The following TPGS2 variants were observed in gnomAD, a reference collection of about 807,000 sequenced individuals.
TPGS2 encodes the protein tubulin polyglutamylase complex subunit 2.
TPGS2 carries 26 observed loss-of-function variants against 31.1 expected under a neutral mutation model. The ratio of observed to expected loss-of-function variants is 0.84; its 90% CI spans 0.61 to 1.16. The LOEUF (loss-of-function observed/expected upper bound fraction) is 1.16, where lower values mean the gene tolerates loss of function less well. Ranked by LOEUF, TPGS2 falls within the 50% of genes most tolerant of loss-of-function variation. The pLI is 0.00. For missense variants in TPGS2, 351 were observed against 363.8 expected (o/e 0.96, Z 0.29); for synonymous variants, 130 against 136.6 (o/e 0.95, Z 0.34).
At position 36,805,467 on chromosome 18, in the gene TPGS2, T is replaced by A. The variant is rs1029302516; in HGVS notation, c.289A>T (p.Ser97Cys). 3.1e-6 allele frequency: 5 copies of A among 1,614,080 alleles called. No homozygotes were observed. The highest frequency in any genetic ancestry group is 4.2e-6 in the Non-Finnish European group (5 of 1,179,960). ...GTGAGCTGAGTCAGTTTTGAGATGC[T>A]GTTAATTGCCATGCTTCCCAGTGGA... ...IIPLGSMAINSISKLTQLTQS... is the reference protein window; with the variant it reads ...IIPLGSMAINCISKLTQLTQS... The change falls in exon 4 of 7, where the codon AGC (serine) becomes TGC (cysteine). Residue 97 changes from serine to cysteine, a missense_variant. Physicochemically the swap from Ser to Cys is moderately radical, Grantham distance 112. Transcript: ENST00000334295.
chr18:36,813,569 C>A (rs1434998084), intron 2 of TPGS2, among the ~76,000 whole-genome samples: 1 of 152,214 alleles, frequency 6.6e-6, no homozygotes, highest in Non-Finnish European at 1.5e-5. Context: ...CTTTTGATGG[C>A]TGCTTTCACA....
At chr18:36,818,359 A>T (rs2150672297) in intron 2 of TPGS2, among the ~76,000 whole-genome samples, 1 of 152,058 alleles carries the variant, frequency 6.6e-6, no homozygotes, top group African/African-American at 2.4e-5. Flanking sequence ...AGTGCCTTTT[A>T]AAAAATTACC....
Position 36,805,494 on chromosome 18 carries a change from T to C in TPGS2, c.262A>G (p.Ile88Val), listed in dbSNP as rs1268695367. 3.1e-6 allele frequency: 5 copies of C among 1,614,104 alleles called. No individual in the cohort carries two copies. The East Asian group carries it at 8.9e-5, about 29-fold the overall frequency. The change falls in exon 4 of 7, where the codon ATT (isoleucine) becomes GTT (valine). Residue 88 changes from isoleucine to valine, a missense_variant. Ile to Val is a conservative substitution (Grantham distance 29). Transcript: ENST00000334295. ...TTAATTGCCATGCTTCCCAGTGGAATGATGTGCTCTAGGGGAACATGCGTT... is the reference window on the plus strand; with the variant it reads ...TTAATTGCCATGCTTCCCAGTGGAACGATGTGCTCTAGGGGAACATGCGTT... Reference protein sequence around the residue: ...TWSVKLDEHIIPLGSMAINSI... With the variant: ...TWSVKLDEHIVPLGSMAINSI...
At chr18:36,806,838 G>A (rs1600784992) in intron 3 of TPGS2, among the ~76,000 whole-genome samples, 1 of 111,418 alleles carries the variant, frequency 9.0e-6, no homozygotes, top group East Asian at 3.0e-4. Context: ...GCAACAGAGT[G>A]AGACTCCATC....
intron 6 of TPGS2, chr18:36,798,243 G>T: frequency 7.2e-7 from 1 of 1,395,740 alleles, no homozygotes; most frequent in Non-Finnish European, 9.3e-7. Context: ...CTGAGAATCA[G>T]TCAAGTTTGG....
In TPGS2 at chr18:36,795,748, T is replaced by G; in HGVS notation, c.*1057A>C. 1 of 985,436 alleles carries G rather than the reference T, an allele frequency of 1.0e-6. No homozygotes were observed. The highest frequency in any genetic ancestry group is 1.2e-6 in the Non-Finnish European group (1 of 829,932). The allele number at this position is 985,436 out of a possible 1,614,324, so 61.0% of individuals were successfully genotyped here. A position where few individuals can be genotyped will look rare whatever the true frequency, so the allele number is the denominator to read the frequency against. ...AGGCAACTTGCTTCCAAAGGAACTCTTGGAAGCCCACCCTGTTCTAAGCAG... is the reference window on the plus strand; with the variant it reads ...AGGCAACTTGCTTCCAAAGGAACTCGTGGAAGCCCACCCTGTTCTAAGCAG... On this transcript the variant is annotated 3_prime_UTR_variant, in exon 7 of 7. Transcript: ENST00000334295.
Position 36,798,438 on chromosome 18 carries a change from TCCTC to T in TPGS2, c.657+7_657+10del. 1 of 1,614,108 alleles carries T rather than the reference TCCTC, an allele frequency of 6.2e-7. No homozygotes were observed. Among genetic ancestry groups the T allele is most frequent in the Non-Finnish European group, 8.5e-7 (1 of 1,179,994 alleles). ...TACCATAGTTTACAATGGCAGGTGTTCCTCCCTTACCTTGGCCTGTGGGCTAATG... is the reference window on the plus strand; with the variant it reads ...TACCATAGTTTACAATGGCAGGTGTTCCTTACCTTGGCCTGTGGGCTAATG... On this transcript the variant is annotated splice_region_variant and intron_variant, in intron 6 of 6. Transcript: ENST00000334295.
chr18:36,800,232 C>T lies in TPGS2; in HGVS notation c.462G>A (p.Gly154=), dbSNP rs200948762. 6.9e-5 allele frequency: 112 copies of T among 1,614,118 alleles called. 1 individual carries two copies. The East Asian group carries it at 2.5e-3, about 36-fold the overall frequency. Residue 154 remains glycine, a synonymous_variant, in exon 5 of 7, where the codon GGG becomes GGA. Transcript: ENST00000334295. ...CACTTTTGTAGACAAGGCAAACTTT[C>T]CCACTGCCATTGCATGAATCCAGCT... ...IFELDSCNGS[G]KVCLVYKSGK... is the part of the protein sequence containing the mutation.
Position 36,795,587 on chromosome 18 carries a change from G to C in TPGS2, c.*1218C>G. 1 of 985,454 alleles carries C rather than the reference G, an allele frequency of 1.0e-6. No homozygotes were observed. The highest frequency in any genetic ancestry group is 1.2e-6 in the Non-Finnish European group (1 of 829,940). 61.0% of individuals were successfully genotyped at this position (985,454 alleles called of 1,614,324 possible). ...AGGAAATAAATAGGCATTCCTAATTGAAAATCTGAGCAACCTTCTCTGTAA... is the reference window on the plus strand; with the variant it reads ...AGGAAATAAATAGGCATTCCTAATTCAAAATCTGAGCAACCTTCTCTGTAA... On this transcript the variant is annotated 3_prime_UTR_variant, in exon 7 of 7. Transcript: ENST00000334295.
chr18:36,785,955 G>A (rs1031260774), intron 6 of TPGS2, among the ~76,000 whole-genome samples: 4 of 152,168 alleles, frequency 2.6e-5, no homozygotes, highest in Non-Finnish European at 5.9e-5. Context: ...AGTTACAGGA[G>A]AAGCTATGAA....
downstream of TPGS2, among the ~76,000 whole-genome samples, chr18:36,790,490 G>A (rs754421656): frequency 4.6e-5 from 7 of 152,194 alleles, no homozygotes; most frequent in Admixed American, 3.3e-4. Context: ...GAAACATAAG[G>A]ATGTGAGTTT....
chr18:36,828,597 GTCGCACCGCTCA>G, intron 1 of TPGS2, 74 bp downstream of exon 1: 8 of 1,452,276 alleles, frequency 5.5e-6, no homozygotes, highest in Non-Finnish European at 7.7e-6. Flanking sequence ...TGGGGCCAGC[GTCGCACCGCTCA>G]CCCCGCACCT....
Position 36,796,228 on chromosome 18 carries a change from T to G in TPGS2, c.*577A>C. On this transcript the variant is annotated 3_prime_UTR_variant, in exon 7 of 7. Coordinates refer to ENST00000334295, the MANE Select transcript of TPGS2 (RefSeq NM_015476.4). ...AGACATCAACATTAACAACAAAAAT[T>G]AATTGAGGAAGAGCAGTATGAAAAT... 1.0e-6 allele frequency: 1 copy of G among 985,376 alleles called. No homozygotes were observed. Among genetic ancestry groups the G allele is most frequent in the Non-Finnish European group, 1.2e-6 (1 of 829,908 alleles). 61.0% of individuals were successfully genotyped at this position (985,376 alleles called of 1,614,324 possible).
chr18:36,787,175 G>A (rs2044152790), intron 6 of TPGS2: 5 of 1,213,890 alleles, frequency 4.1e-6, no homozygotes, highest in Non-Finnish European at 5.1e-6. Flanking sequence ...CACATTAAAT[G>A]AGCCACAAGG....
intron 2 of TPGS2, among the ~76,000 whole-genome samples, chr18:36,812,297 G>A (rs1322115349): frequency 6.6e-6 from 1 of 152,188 alleles, no homozygotes; most frequent in Non-Finnish European, 1.5e-5. Flanking sequence ...GATGGGGGAT[G>A]ATCACCAGAA....
At chr18:36,788,416 T>C (rs1009702910) in intron 6 of TPGS2, among the ~76,000 whole-genome samples, 2 of 152,220 alleles carry the variant, frequency 1.3e-5, no homozygotes, top group African/African-American at 4.8e-5. Flanking sequence ...CTCTGTCCCA[T>C]GAGATGGCCT....
At chr18:36,793,886 C>T (rs904913720), downstream of TPGS2, among the ~76,000 whole-genome samples, 8 of 152,010 alleles carry the variant, frequency 5.3e-5, no homozygotes, top group East Asian at 1.9e-4. Flanking sequence ...TACAGGCGCC[C>T]GCCACCACGC....
intron 4 of TPGS2, among the ~76,000 whole-genome samples, chr18:36,800,964 A>C (rs2044782656): frequency 6.6e-6 from 1 of 152,194 alleles, no homozygotes; most frequent in African/African-American, 2.4e-5. Flanking sequence ...TGCTGGGATT[A>C]CAGGCACGAG....
Position 36,795,304 on chromosome 18 carries a change from C to T in TPGS2, c.*1501G>A, listed in dbSNP as rs1316332191. 8 of 985,480 alleles carry T rather than the reference C, an allele frequency of 8.1e-6. No individual in the cohort carries two copies. The highest frequency in any genetic ancestry group is 3.5e-5 in the African/African-American group (2 of 57,240). 61.0% of individuals were successfully genotyped at this position (985,480 alleles called of 1,614,324 possible). ...TGGGTCGATTAGCAGGTAGACAGTG[C>T]AAAGGAAGGAAGTCTGGCCAATCAC... On this transcript the variant is annotated 3_prime_UTR_variant, in exon 7 of 7. Transcript: ENST00000334295.
Sources: allele counts gnomAD v4.1 joint callset (sites outside exome capture counted in the v4.1 genomes callset), GRCh38; gene constraint gnomAD v4.1.1; transcripts MANE v1.5; gene names NCBI Gene and HGNC (gene_info 2026-07-23, HGNC 2026-07-21).